Variants in SPAG16 observed in about 807,000 individuals in gnomAD.
SPAG16 encodes sperm associated antigen 16.
Under a neutral mutation model 80.4 loss-of-function variants are expected in SPAG16, and 86 were observed. That is an observed-to-expected ratio of 1.07 (90% CI 0.90 to 1.28). The LOEUF (loss-of-function observed/expected upper bound fraction) is 1.28, where lower values mean the gene tolerates loss of function less well. Ranked by LOEUF, SPAG16 falls within the 50% of genes most tolerant of loss-of-function variation. The pLI is 0.00. For synonymous variants in SPAG16, 294 were observed against 265.9 expected (o/e 1.11, Z -1.03); for missense variants, 870 against 765.3 (o/e 1.14, Z -1.61).
intron 13 of SPAG16, among the ~76,000 whole-genome samples, chr2:214,079,804 G>C (rs894163028): frequency 1.3e-5 from 2 of 152,186 alleles, no homozygotes; most frequent in Admixed American, 1.3e-4. Context: ...GACTTTTTAA[G>C]TGTCTTCCCA....
chr2:213,402,641 T>C (rs2068381426), intron 9 of SPAG16, among the ~76,000 whole-genome samples: 1 of 151,402 alleles, frequency 6.6e-6, no homozygotes, highest in Admixed American at 6.6e-5. Context: ...GTGTTCTCAT[T>C]GTTCAATTCC....
intron 14 of SPAG16, among the ~76,000 whole-genome samples, chr2:214,111,692 G>A (rs551247068): frequency 7.2e-5 from 11 of 151,956 alleles, no homozygotes; most frequent in South Asian, 2.1e-4. Flanking sequence ...TGATGGGGAC[G>A]GCATTGAATC....
chr2:213,470,399 T>C (rs2073012691), intron 9 of SPAG16, among the ~76,000 whole-genome samples: 1 of 152,164 alleles, frequency 6.6e-6, no homozygotes, highest in Non-Finnish European at 1.5e-5. Flanking sequence ...TGGATGGTAG[T>C]CTTGGCAGGA....
intron 9 of SPAG16, among the ~76,000 whole-genome samples, chr2:213,385,555 T>A (rs1476270734): frequency 6.6e-6 from 1 of 152,072 alleles, no homozygotes; most frequent in East Asian, 1.9e-4. Context: ...CCTGAATAGG[T>A]TTTATTTTTA....
At chr2:213,308,715 AG>A (rs2063053711) in intron 3 of SPAG16, among the ~76,000 whole-genome samples, 1 of 152,146 alleles carries the variant, frequency 6.6e-6, no homozygotes, top group Non-Finnish European at 1.5e-5. Flanking sequence ...ACATTCTGCA[AG>A]GAAGGGCAGT....
intron 13 of SPAG16, among the ~76,000 whole-genome samples, chr2:214,022,466 A>C (rs1030801108): frequency 1.3e-5 from 2 of 152,196 alleles, no homozygotes; most frequent in Non-Finnish European, 2.9e-5. Context: ...TTATCACATA[A>C]GGATAAAATG....
chr2:214,030,612 A>C (rs1015577043), intron 13 of SPAG16, among the ~76,000 whole-genome samples: 1 of 152,216 alleles, frequency 6.6e-6, no homozygotes. Context: ...TGGTAATAAC[A>C]TGTCTTTCAA....
intron 10 of SPAG16, among the ~76,000 whole-genome samples, chr2:213,671,776 G>A (rs2063820824): frequency 6.6e-6 from 1 of 151,020 alleles, no homozygotes. Flanking sequence ...AGAGCTGTGA[G>A]CAGGGCACGT....
intron 14 of SPAG16, among the ~76,000 whole-genome samples, chr2:214,133,518 G>A (rs895243005): frequency 5.9e-5 from 9 of 151,978 alleles, no homozygotes; most frequent in East Asian, 3.9e-4. Context: ...TTATCCAGGC[G>A]TGATGATGCA....
chr2:213,719,313 A>G (rs2066403851), intron 10 of SPAG16, among the ~76,000 whole-genome samples: 1 of 151,834 alleles, frequency 6.6e-6, no homozygotes, highest in African/African-American at 2.4e-5. Context: ...TATCTAGCTC[A>G]AGGTTTGTAA....
intron 11 of SPAG16, among the ~76,000 whole-genome samples, chr2:213,904,112 A>G (rs1319883904): frequency 6.6e-6 from 1 of 152,112 alleles, no homozygotes. Flanking sequence ...TCCTGTCTTC[A>G]TCTTAGCCCT....
chr2:213,534,928 CA>C (rs1157619476), intron 10 of SPAG16, among the ~76,000 whole-genome samples: 4 of 151,952 alleles, frequency 2.6e-5, no homozygotes, highest in African/African-American at 9.7e-5. Context: ...TGCCCTAATC[CA>C]GTATGACTGG....
At chr2:213,677,088 A>T (rs1044152159) in intron 10 of SPAG16, among the ~76,000 whole-genome samples, 4 of 152,062 alleles carry the variant, frequency 2.6e-5, no homozygotes, top group African/African-American at 9.7e-5. Flanking sequence ...CAGAGATTCA[A>T]CTTCTTCCTG....
At chr2:214,066,579 T>C (rs1401301934) in intron 13 of SPAG16, among the ~76,000 whole-genome samples, 1 of 152,204 alleles carries the variant, frequency 6.6e-6, no homozygotes, top group Non-Finnish European at 1.5e-5. Context: ...GTGGCTCATG[T>C]AAGTGTTTCT....
chr2:213,636,672 C>T (rs534121899), intron 10 of SPAG16, among the ~76,000 whole-genome samples: 1 of 152,248 alleles, frequency 6.6e-6, no homozygotes, highest in African/African-American at 2.4e-5. Flanking sequence ...TCTTTCACCT[C>T]CTTGGTTAGG....
At chr2:213,743,483 T>C (rs537812864) in intron 10 of SPAG16, among the ~76,000 whole-genome samples, 2 of 151,100 alleles carry the variant, frequency 1.3e-5, no homozygotes, top group Admixed American at 1.3e-4. Context: ...ATTTTTTCCC[T>C]AGAAATATCT....
intron 15 of SPAG16, among the ~76,000 whole-genome samples, chr2:214,242,890 C>T (rs1313431301): frequency 3.3e-5 from 5 of 152,070 alleles, no homozygotes; most frequent in Admixed American, 6.5e-5. Flanking sequence ...AGCCCTACAT[C>T]GATTGTTTTA....
chr2:213,960,820 T>C (rs750909043), intron 12 of SPAG16, among the ~76,000 whole-genome samples: 3 of 152,224 alleles, frequency 2.0e-5, no homozygotes, highest in Non-Finnish European at 4.4e-5. Context: ...TAGAAGTTAT[T>C]GTGGCTGGTG....
chr2:213,582,906 G>A (rs1405709796), intron 10 of SPAG16, among the ~76,000 whole-genome samples: 1 of 152,088 alleles, frequency 6.6e-6, no homozygotes, highest in Non-Finnish European at 1.5e-5. Context: ...TACTGTGCAT[G>A]TTATTTCACT....
Sources: gnomAD v4.1 joint callset for allele counts (sites outside exome capture counted in the v4.1 genomes callset) on GRCh38, gnomAD v4.1.1 for gene constraint, MANE v1.5 for transcripts, NCBI Gene and HGNC (gene_info 2026-07-23, HGNC 2026-07-21) for gene names.